Variants in DENND3 observed in about 807,000 individuals in gnomAD.
DENND3 encodes DENN domain-containing protein 3.
In DENND3, 88 loss-of-function variants were observed where a neutral mutation model predicts 135.1. That is an observed-to-expected ratio of 0.65 (90% CI 0.55 to 0.78). The LOEUF is 0.78. Among genes scored for constraint, DENND3 ranks in the 30% least tolerant of loss-of-function variants. The pLI, the probability that DENND3 is intolerant of heterozygous loss-of-function variation, is 0.00. For synonymous variants in DENND3, 693 were observed against 712.3 expected, an observed-to-expected ratio of 0.97 and a Z score of 0.43; for missense variants, 1,392 against 1,688.4, an observed-to-expected ratio of 0.82 and a Z score of 3.08.
At chr8:141,150,753 C>T in intron 5 of DENND3, 81 bp from the exon 6 acceptor site, 1 of 1,461,462 alleles carries the variant, frequency 6.8e-7, no homozygotes. Flanking sequence ...ATGCCCTGGG[C>T]ACCGAAATAG....
intron 10 of DENND3, among the ~76,000 whole-genome samples, chr8:141,164,245 G>A (rs72681540): frequency 0.15 from 22,447 of 152,244 alleles, 1,789 homozygotes; most frequent in South Asian, 0.27. Context: ...AATGTCCCGT[G>A]GTTGGGACAG....
chr8:141,138,885 C>T lies in DENND3; in HGVS notation c.501+748C>T, dbSNP rs965767850. ...TTTGGATGGACCACATTTTATTTCT[C>T]CGTGTATCCGTCGATGGACCTGTGG... On this transcript the variant is annotated intron_variant, in intron 3 of 22. Coordinates refer to ENST00000519811, the MANE Select transcript of DENND3 (RefSeq NM_001352890.3). The surrounding 1 kb of genome is among the most constrained non-coding windows in gnomAD (Gnocchi z 4.8). 2.0e-5 allele frequency among the ~76,000 whole-genome samples: 3 copies of T among 152,202 alleles called. No homozygotes were observed. Among genetic ancestry groups the T allele is most frequent in the African/African-American group, 7.2e-5 (3 of 41,420 alleles).
At position 141,182,454 on chromosome 8, in the gene DENND3, C is replaced by A. The variant is rs1457668281; in HGVS notation, c.2944+1600C>A. The A allele has an allele frequency of 2.0e-6, 2 of 985,316 alleles. No homozygotes were observed. The highest frequency in any genetic ancestry group is 3.5e-5 in the African/African-American group (2 of 57,244). 61.0% of individuals were successfully genotyped at this position (985,316 alleles called of 1,614,324 possible). A position where few individuals can be genotyped will look rare whatever the true frequency, so the allele number is the denominator to read the frequency against. ...ACTTCGCCAGAGATGACTCCACAGA[C>A]CAAGATACTTTGACCGTGGCATTTG... On this transcript the variant is annotated intron_variant, in intron 17 of 22. Coordinates refer to ENST00000519811, the MANE Select transcript of DENND3 (RefSeq NM_001352890.3). The surrounding 1 kb of genome is among the most constrained non-coding windows in gnomAD (Gnocchi z 5.9).
chr8:141,144,068 A>G lies in DENND3; in HGVS notation c.624-80A>G, dbSNP rs1170674226. On this transcript the variant is annotated intron_variant, in intron 4 of 22. Coordinates refer to ENST00000519811, the MANE Select transcript of DENND3 (RefSeq NM_001352890.3). The surrounding 1 kb of genome is among the most constrained non-coding windows in gnomAD (Gnocchi z 4.4). ...CTGCTGCAGACGCTGGGGAGATTCC[A>G]GTGTGATTAGAAACGCTAACGATGA... The G allele has an allele frequency of 5.8e-6, 7 of 1,207,178 alleles. No homozygotes were observed. The East Asian group carries it at 1.8e-4, about 31-fold the overall frequency. 74.8% of individuals were successfully genotyped at this position (1,207,178 alleles called of 1,614,324 possible).
chr8:141,138,003 T>C lies in DENND3; in HGVS notation c.386-19T>C. 1 of 1,574,988 alleles carries C rather than the reference T, an allele frequency of 6.3e-7. No individual in the cohort carries two copies. The highest frequency in any genetic ancestry group is 8.6e-7 in the Non-Finnish European group (1 of 1,158,560). Reference sequence around the variant, plus strand: ...ACTTGGCAAGAACAGGATTCTTCTCTGTCTCTTTCTGCCTGCAGGGGGTGT... The same window carrying C: ...ACTTGGCAAGAACAGGATTCTTCTCCGTCTCTTTCTGCCTGCAGGGGGTGT... On this transcript the variant is annotated intron_variant, in intron 2 of 22. Transcript: ENST00000519811. The surrounding 1 kb of genome is among the most constrained non-coding windows in gnomAD (Gnocchi z 4.8).
intron 18 of DENND3, among the ~76,000 whole-genome samples, chr8:141,186,871 G>A (rs1275624092): frequency 1.3e-5 from 2 of 152,100 alleles, no homozygotes; most frequent in Non-Finnish European, 2.9e-5. Context: ...GCCCGTCAGC[G>A]CTGTGAGCTG....
intron 1 of DENND3, among the ~76,000 whole-genome samples, chr8:141,132,685 T>C (rs1816272516): frequency 6.6e-6 from 1 of 152,178 alleles, no homozygotes; most frequent in East Asian, 1.9e-4. Context: ...AAAATGAGAT[T>C]GTATTGCTTG....
chr8:141,148,314 C>T (rs1818397861), intron 5 of DENND3, among the ~76,000 whole-genome samples: 1 of 152,188 alleles, frequency 6.6e-6, no homozygotes, highest in Non-Finnish European at 1.5e-5. Context: ...CCTTGATTCC[C>T]TGGTTCCCGT....
rs1027789350 is a variant in DENND3 at position 141,144,416 on chromosome 8, G to A, written c.735+157G>A. Among the ~76,000 whole-genome samples the A allele has an allele frequency of 2.6e-5, 4 of 151,944 alleles. No individual in the cohort carries two copies. The highest frequency in any genetic ancestry group is 4.8e-5 in the African/African-American group (2 of 41,342). Reference sequence around the variant, plus strand: ...CCCGCCTCCCCACAGCTGACTGACTGGACCCCCTTTTGGCCAAGGGGACCC... The same window carrying A: ...CCCGCCTCCCCACAGCTGACTGACTAGACCCCCTTTTGGCCAAGGGGACCC... On this transcript the variant is annotated intron_variant, in intron 5 of 22. Coordinates refer to ENST00000519811, the MANE Select transcript of DENND3 (RefSeq NM_001352890.3). This position sits in a 1 kb window ranked among gnomAD's most constrained non-coding sequence, Gnocchi z 4.4.
chr8:141,195,250 T>C lies in DENND3; in HGVS notation c.*1017T>C, dbSNP rs1825212312. 1 of 152,406 alleles carries C rather than the reference T, an allele frequency of 6.6e-6. No homozygotes were observed. Among genetic ancestry groups the C allele is most frequent in the Non-Finnish European group, 1.5e-5 (1 of 68,076 alleles). 9.4% of individuals were successfully genotyped at this position (152,406 alleles called of 1,614,324 possible). Reference sequence around the variant, plus strand: ...TACTTAAATGTTCTACGGAAGGTTCTGGTGTGGTTGTTGGAGCCGGAGGGA... The same window carrying C: ...TACTTAAATGTTCTACGGAAGGTTCCGGTGTGGTTGTTGGAGCCGGAGGGA... On this transcript the variant is annotated 3_prime_UTR_variant, in exon 23 of 23. Coordinates refer to ENST00000519811, the MANE Select transcript of DENND3 (RefSeq NM_001352890.3).
chr8:141,175,581 GA>G lies in DENND3; in HGVS notation c.2535+124del. 6 of 1,475,490 alleles carry G rather than the reference GA, an allele frequency of 4.1e-6. No homozygotes were observed. Among genetic ancestry groups the G allele is most frequent in the Non-Finnish European group, 5.6e-6 (6 of 1,070,626 alleles). 91.4% of individuals were successfully genotyped at this position (1,475,490 alleles called of 1,614,324 possible). A position where few individuals can be genotyped will look rare whatever the true frequency, so the allele number is the denominator to read the frequency against. Reference sequence around the variant, plus strand: ...ACCAGCTGCAGCCCTTCTGCAGACCGAATGCCTTCCTGTCCCTCAGTTTGCT... The same window carrying G: ...ACCAGCTGCAGCCCTTCTGCAGACCGATGCCTTCCTGTCCCTCAGTTTGCT... On this transcript the variant is annotated intron_variant, in intron 14 of 22. Transcript: ENST00000519811. The surrounding 1 kb of genome is among the most constrained non-coding windows in gnomAD (Gnocchi z 5.4).
At chr8:141,162,657 C>A (rs549450070) in intron 9 of DENND3, among the ~76,000 whole-genome samples, 1 of 151,942 alleles carries the variant, frequency 6.6e-6, no homozygotes, top group Non-Finnish European at 1.5e-5. Flanking sequence ...TGAAGTGGGC[C>A]GGGCTCGGTG....
intron 13 of DENND3, among the ~76,000 whole-genome samples, chr8:141,169,301 C>T (rs991638386): frequency 8.5e-5 from 13 of 152,240 alleles, no homozygotes; most frequent in Non-Finnish European, 1.3e-4. Flanking sequence ...GTGTGGTTGG[C>T]GGGGCCCTTA....
chr8:141,169,098 A>G (rs1488062351), intron 13 of DENND3, among the ~76,000 whole-genome samples: 1 of 152,240 alleles, frequency 6.6e-6, no homozygotes, highest in Non-Finnish European at 1.5e-5. Flanking sequence ...CCTCAAGGTG[A>G]TCCACCTGTC....
At chr8:141,159,315 C>T (rs1819839953) in intron 8 of DENND3, among the ~76,000 whole-genome samples, 1 of 152,200 alleles carries the variant, frequency 6.6e-6, no homozygotes, top group Admixed American at 6.5e-5. Context: ...CTTCCCATCA[C>T]AGAGAAGATT....
At position 141,176,763 on chromosome 8, in the gene DENND3, TG is replaced by T; in HGVS notation, c.2706+5del. On this transcript the variant is annotated splice_donor_region_variant and intron_variant, in intron 15 of 22. Transcript: ENST00000519811. ...AAGAAGCTGGCCGATGACCACAAGG[TG>T]GGAGACGCGGGTCCCCTCTGCCCTT... 6.2e-7 allele frequency: 1 copy of T among 1,612,196 alleles called. No homozygotes were observed. The highest frequency in any genetic ancestry group is 8.5e-7 in the Non-Finnish European group (1 of 1,178,740).
chr8:141,162,444 C>G (rs1283616245), intron 9 of DENND3, among the ~76,000 whole-genome samples: 1 of 151,938 alleles, frequency 6.6e-6, no homozygotes, highest in Non-Finnish European at 1.5e-5. Context: ...AAAAAAGAGG[C>G]AGAAAATATG....
At chr8:141,176,815 C>G (rs1033549584) in intron 15 of DENND3, 54 bp downstream of exon 15, 1 of 1,589,626 alleles carries the variant, frequency 6.3e-7, no homozygotes, top group Non-Finnish European at 8.6e-7. Context: ...AGGGGCCTCT[C>G]GCCACCTGTG....
Position 141,138,605 on chromosome 8 carries a change from C to T in DENND3, c.501+468C>T, listed in dbSNP as rs759080990. 6.6e-6 allele frequency among the ~76,000 whole-genome samples: 1 copy of T among 152,102 alleles called. No homozygotes were observed. The highest frequency in any genetic ancestry group is 1.5e-5 in the Non-Finnish European group (1 of 68,024). Reference sequence around the variant, plus strand: ...TTCACCATGTTGGCCGGGCTGGTTTCGAACTCCTGACCTCAGGTGATCCAC... The same window carrying T: ...TTCACCATGTTGGCCGGGCTGGTTTTGAACTCCTGACCTCAGGTGATCCAC... On this transcript the variant is annotated intron_variant, in intron 3 of 22. Coordinates refer to ENST00000519811, the MANE Select transcript of DENND3 (RefSeq NM_001352890.3). This position sits in a 1 kb window ranked among gnomAD's most constrained non-coding sequence, Gnocchi z 4.8.
Sources: gnomAD v4.1 joint callset for allele counts (sites outside exome capture counted in the v4.1 genomes callset) on GRCh38, gnomAD v4.1.1 for gene constraint, Gnocchi (gnomAD v3.1) non-coding constraint, MANE v1.5 for transcripts, NCBI Gene and HGNC (gene_info 2026-07-23, HGNC 2026-07-21) for gene names.